The following CEP63 variants were observed in gnomAD, a reference collection of about 807,000 sequenced individuals.
The protein encoded by CEP63 is centrosomal protein 63, also known as centrosomal protein of 63 kDa.
A neutral mutation model predicts 89.1 loss-of-function variants in CEP63; 84 were observed. The observed-to-expected ratio is 0.94, with a 90% CI of 0.79 to 1.13. CEP63 has a LOEUF of 1.13. Among genes scored for constraint, CEP63 ranks in the 50% most tolerant of loss-of-function variants. CEP63 has a pLI of 0.00. For synonymous variants in CEP63, 267 were observed against 272.5 expected (o/e 0.98, Z 0.20); for missense variants, 838 against 813.3 (o/e 1.03, Z -0.37).
the CEP63 span, among the ~76,000 whole-genome samples, chr3:134,626,767 G>A: frequency 1.3e-5 from 2 of 152,178 alleles, no homozygotes; most frequent in African/African-American, 4.8e-5. Flanking sequence ...TTGGGCCCAG[G>A]GGTTTCTTGC....
At chr3:134,504,392 C>T (rs913106545) in intron 2 of CEP63, among the ~76,000 whole-genome samples, 2 of 152,116 alleles carry the variant, frequency 1.3e-5, no homozygotes, top group Non-Finnish European at 2.9e-5. Context: ...TATTTGTTTT[C>T]TTTTAACACT....
chr3:134,677,652 C>T, the CEP63 span, among the ~76,000 whole-genome samples: 21 of 152,264 alleles, frequency 1.4e-4, no homozygotes, highest in African/African-American at 4.8e-4. Context: ...TTAACCCTAA[C>T]TGCTCTCATC....
At chr3:134,612,466 A>G in the CEP63 span, among the ~76,000 whole-genome samples, 11 of 152,060 alleles carry the variant, frequency 7.2e-5, no homozygotes, top group Admixed American at 2.6e-4. Context: ...GAGGGGATGC[A>G]AGGCTGAGGG....
At chr3:134,676,718 A>G in the CEP63 span, among the ~76,000 whole-genome samples, 1 of 152,174 alleles carries the variant, frequency 6.6e-6, no homozygotes, top group African/African-American at 2.4e-5. Context: ...TTGAGCCCCT[A>G]TAATCAGTTG....
the CEP63 span, among the ~76,000 whole-genome samples, chr3:134,659,680 C>A: frequency 6.6e-6 from 1 of 152,234 alleles, no homozygotes; most frequent in South Asian, 2.1e-4. Flanking sequence ...AGGACCTCTC[C>A]TGGTGGTTCA....
chr3:134,722,651 G>A, the CEP63 span, among the ~76,000 whole-genome samples: 1 of 152,050 alleles, frequency 6.6e-6, no homozygotes, highest in Non-Finnish European at 1.5e-5. Context: ...TGAGAAAAGA[G>A]AACAATAACA....
rs563413890 is a variant in CEP63, at chr3:134,584,332, C to T, written c.1207-3126C>T. 5.9e-5 allele frequency among the ~76,000 whole-genome samples: 9 copies of T among 152,152 alleles called. No individual in the cohort carries two copies. The East Asian group carries it at 1.7e-3, about 29-fold the overall frequency. On this transcript the variant is annotated intron_variant, in intron 10 of 10. Coordinates refer to the CEP63 transcript ENST00000683931. ...GTGGGTTTCTCATAAATAGCTCTTA[C>T]TATTTTGAGATATGTTCCATCAATA...
At chr3:134,626,322 T>C in the CEP63 span, among the ~76,000 whole-genome samples, 2 of 152,182 alleles carry the variant, frequency 1.3e-5, no homozygotes, top group Non-Finnish European at 2.9e-5. Flanking sequence ...AGAAAGCACC[T>C]GATGGACCTG....
At chr3:134,701,632 C>G in the CEP63 span, among the ~76,000 whole-genome samples, 1 of 151,832 alleles carries the variant, frequency 6.6e-6, no homozygotes, top group Non-Finnish European at 1.5e-5. Flanking sequence ...ACTGAATGGG[C>G]AAAAGCTGGA....
At chr3:134,542,261 T>C (rs1952197063) in intron 6 of CEP63, among the ~76,000 whole-genome samples, 2 of 152,220 alleles carry the variant, frequency 1.3e-5, no homozygotes, top group African/African-American at 4.8e-5. Flanking sequence ...GTTGTATTTT[T>C]AAAAGCATCC....
chr3:134,744,787 G>T, the CEP63 span, among the ~76,000 whole-genome samples: 1 of 152,122 alleles, frequency 6.6e-6, no homozygotes, highest in Non-Finnish European at 1.5e-5. Flanking sequence ...CAAAGTGCTA[G>T]GATTAGTGGT....
At chr3:134,719,682 TA>T in the CEP63 span, among the ~76,000 whole-genome samples, 1 of 152,200 alleles carries the variant, frequency 6.6e-6, no homozygotes, top group Non-Finnish European at 1.5e-5. Flanking sequence ...CTTCTGTCTC[TA>T]TGTATATATC....
At chr3:134,549,021 G>A (rs775433670) in intron 9 of CEP63, 41 bp from the exon 10 acceptor site, 1 of 1,239,040 alleles carries the variant, frequency 8.1e-7, no homozygotes, top group Non-Finnish European at 1.2e-6. Context: ...TAGGTTTCAG[G>A]ATTTTGGTTT....
intron 14 of CEP63, among the ~76,000 whole-genome samples, chr3:134,560,002 G>C (rs994949108): frequency 1.3e-5 from 2 of 152,170 alleles, no homozygotes; most frequent in South Asian, 2.1e-4. Context: ...TTCATTTCCT[G>C]TCACCAGCTG....
chr3:134,507,186 C>G lies in CEP63; in HGVS notation c.122C>G (p.Ser41Cys), dbSNP rs146294786. The G allele has an allele frequency of 4.9e-4, 793 of 1,613,502 alleles. 1 individual carries two copies. Among genetic ancestry groups the G allele is most frequent in the Non-Finnish European group, 6.2e-4 (726 of 1,179,814 alleles). The change falls in exon 3 of 15, where the codon TCT becomes TGT. Residue 41 changes from serine to cysteine, a missense_variant. Ser to Cys is a moderately radical substitution (Grantham distance 112). Transcript: ENST00000675561. ...QIDIMVAHKK[S>C]EWEGRTHALE... ...GACATAATGGTGGCTCATAAAAAAT[C>G]TGAATGGGAAGGACGTACACATGCT...
the CEP63 span, among the ~76,000 whole-genome samples, chr3:134,716,165 T>C: frequency 3.4e-4 from 52 of 152,352 alleles, 1 homozygote; most frequent in South Asian, 9.9e-3. Flanking sequence ...GAATTTGTTT[T>C]ATAAGATTCC....
At chr3:134,606,528 C>T in the CEP63 span, among the ~76,000 whole-genome samples, 10 of 152,194 alleles carry the variant, frequency 6.6e-5, no homozygotes, top group African/African-American at 2.4e-4. Flanking sequence ...GGCTGAGTTC[C>T]CTGGCAGCTT....
chr3:134,489,502 G>A (rs1049160930), intron 1 of CEP63, among the ~76,000 whole-genome samples: 1 of 152,028 alleles, frequency 6.6e-6, no homozygotes, highest in African/African-American at 2.4e-5. Flanking sequence ...ATTGGGTTTA[G>A]GTGTAGTTAG....
chr3:134,545,476 G>T (rs1953082174), intron 6 of CEP63, 110 bp from the exon 7 acceptor site: 2 of 811,996 alleles, frequency 2.5e-6, no homozygotes, highest in South Asian at 2.9e-5. Context: ...ATATATTTTA[G>T]TGAGCCAATG....
Sources: gnomAD v4.1 joint callset for allele counts (sites outside exome capture counted in the v4.1 genomes callset) on GRCh38, gnomAD v4.1.1 for gene constraint, MANE v1.5 for transcripts, NCBI Gene and HGNC (gene_info 2026-07-23, HGNC 2026-07-21) for gene names.